DNAJC1: variants seen among roughly 807,000 people sequenced by gnomAD.
DNAJC1 encodes dnaJ homolog subfamily C member 1.
DNAJC1 carries 58 observed loss-of-function variants against 76.6 expected under a neutral mutation model. That is an observed-to-expected ratio of 0.76 (90% CI 0.61 to 0.94). The LOEUF (loss-of-function observed/expected upper bound fraction) is 0.94. Ranked by LOEUF, DNAJC1 falls within the 40% of genes least tolerant of loss-of-function variation. The pLI is 0.00. For synonymous variants in DNAJC1, 258 were observed against 267.9 expected, an observed-to-expected ratio of 0.96 and a Z score of 0.36; for missense variants, 689 against 677.3, an observed-to-expected ratio of 1.02 and a Z score of -0.19.
chr10:21,967,223 C>T (rs1837908396), intron 1 of DNAJC1, among the ~76,000 whole-genome samples: 1 of 152,166 alleles, frequency 6.6e-6, no homozygotes, highest in Non-Finnish European at 1.5e-5. Context: ...CAATACCCAA[C>T]TGCAGGCAAA....
chr10:21,827,793 C>A (rs886932177), intron 8 of DNAJC1, among the ~76,000 whole-genome samples: 2 of 152,214 alleles, frequency 1.3e-5, no homozygotes, highest in Non-Finnish European at 2.9e-5. Flanking sequence ...GTTTGGGATA[C>A]TATTCAACCC....
rs959612757 is a variant in DNAJC1, at chr10:21,814,860, C to T, written c.979-8761G>A. ...TGAGAAAGTAACTCAAAGAAATGTA[C>T]GTAAATCTATGCAGTCAGCCCTGCC... On this transcript the variant is annotated intron_variant, in intron 8 of 11. Coordinates refer to ENST00000376980, the MANE Select transcript of DNAJC1 (RefSeq NM_022365.4). Among the ~76,000 whole-genome samples the T allele has an allele frequency of 4.1e-4, 62 of 152,128 alleles. 1 individual carries two copies. Among genetic ancestry groups the T allele is most frequent in the Non-Finnish European group, 5.9e-5 (4 of 68,038 alleles).
chr10:21,761,275 C>G (rs1486305651), intron 10 of DNAJC1, among the ~76,000 whole-genome samples: 1 of 151,796 alleles, frequency 6.6e-6, no homozygotes, highest in Non-Finnish European at 1.5e-5. Context: ...AAACAAAATC[C>G]CAGCTGTACA....
intron 1 of DNAJC1, among the ~76,000 whole-genome samples, chr10:21,942,291 G>A (rs1837426310): frequency 6.6e-6 from 1 of 152,090 alleles, no homozygotes; most frequent in Non-Finnish European, 1.5e-5. Context: ...AGTTAAAACA[G>A]TCATAAACCC....
At chr10:21,855,754 C>T (rs1245295025) in intron 8 of DNAJC1, among the ~76,000 whole-genome samples, 2 of 152,118 alleles carry the variant, frequency 1.3e-5, no homozygotes, top group East Asian at 1.9e-4. Flanking sequence ...AACACTTCAA[C>T]GTAATCAGTG....
chr10:21,836,592 T>G (rs560973399), intron 8 of DNAJC1, among the ~76,000 whole-genome samples: 9 of 152,124 alleles, frequency 5.9e-5, no homozygotes, highest in South Asian at 2.1e-4. Flanking sequence ...CATCTCACGT[T>G]CAGAGACACA....
intron 8 of DNAJC1, among the ~76,000 whole-genome samples, chr10:21,845,537 TAG>T (rs1835644225): frequency 6.6e-6 from 1 of 151,962 alleles, no homozygotes; most frequent in Non-Finnish European, 1.5e-5. Context: ...GTATTTTTAA[TAG>T]AGACAGGGTT....
At chr10:21,780,996 C>G (rs558773973) in intron 9 of DNAJC1, among the ~76,000 whole-genome samples, 1 of 151,886 alleles carries the variant, frequency 6.6e-6, no homozygotes, top group African/African-American at 2.4e-5. Flanking sequence ...TCAAAAGAGA[C>G]AAGGCCATTA....
intron 8 of DNAJC1, among the ~76,000 whole-genome samples, chr10:21,866,937 C>A (rs1413253504): frequency 6.6e-6 from 1 of 152,042 alleles, no homozygotes; most frequent in Non-Finnish European, 1.5e-5. Flanking sequence ...AGAAAACAAT[C>A]ACAAGAAGAA....
chr10:21,850,530 TTTC>T (rs1439679953), intron 8 of DNAJC1, among the ~76,000 whole-genome samples: 32 of 150,904 alleles, frequency 2.1e-4, no homozygotes, highest in African/African-American at 7.8e-4. Context: ...TAAATTTTCT[TTTC>T]TTTTTTTTTT....
chr10:21,835,656 C>A (rs375190812), intron 8 of DNAJC1, among the ~76,000 whole-genome samples: 1 of 152,208 alleles, frequency 6.6e-6, no homozygotes, highest in African/African-American at 2.4e-5. Context: ...TGAAAACCAA[C>A]ACACGAGAGC....
chr10:21,895,350 C>T (rs1338447552), intron 7 of DNAJC1, among the ~76,000 whole-genome samples: 1 of 152,134 alleles, frequency 6.6e-6, no homozygotes, highest in Non-Finnish European at 1.5e-5. Context: ...TTATTGGAAA[C>T]TGGAAGAAGG....
intron 1 of DNAJC1, among the ~76,000 whole-genome samples, chr10:21,997,846 G>A (rs1838444362): frequency 6.6e-6 from 1 of 152,154 alleles, no homozygotes; most frequent in Non-Finnish European, 1.5e-5. Flanking sequence ...TAAGGATTTA[G>A]TTATAAAACA....
At chr10:21,879,754 T>C (rs1208802150) in intron 8 of DNAJC1, among the ~76,000 whole-genome samples, 1 of 152,230 alleles carries the variant, frequency 6.6e-6, no homozygotes, top group Admixed American at 6.5e-5. Context: ...CGCTAAAACG[T>C]ATTAATAACC....
At chr10:21,773,383 A>T (rs1393999521) in intron 9 of DNAJC1, among the ~76,000 whole-genome samples, 1 of 152,002 alleles carries the variant, frequency 6.6e-6, no homozygotes, top group Non-Finnish European at 1.5e-5. Flanking sequence ...TTCTTCCATG[A>T]TCCACTGATT....
intron 1 of DNAJC1, 25 bp downstream of exon 1, chr10:22,003,188 C>A (rs1283889747): frequency 6.0e-6 from 9 of 1,499,038 alleles, no homozygotes; most frequent in Non-Finnish European, 8.0e-6. Context: ...CCTCTCCGCC[C>A]GGCCCCGCGC....
intron 9 of DNAJC1, among the ~76,000 whole-genome samples, chr10:21,798,642 T>C (rs766814585): frequency 3.9e-5 from 6 of 152,206 alleles, no homozygotes; most frequent in Non-Finnish European, 8.8e-5. Flanking sequence ...CCGAGAACAC[T>C]TTCCTCAGAA....
At chr10:21,766,177 T>C in intron 10 of DNAJC1, 84 bp downstream of exon 10, 1 of 1,061,060 alleles carries the variant, frequency 9.4e-7, no homozygotes, top group Non-Finnish European at 1.4e-6. Context: ...TCTAGACCCT[T>C]GTATTTAAAG....
intron 8 of DNAJC1, among the ~76,000 whole-genome samples, chr10:21,838,579 G>A (rs1441652821): frequency 6.6e-6 from 1 of 151,868 alleles, no homozygotes; most frequent in Non-Finnish European, 1.5e-5. Flanking sequence ...CTATGACCCT[G>A]CCAAATCCCC....
Sources: gnomAD v4.1 joint callset for allele counts (sites outside exome capture counted in the v4.1 genomes callset) on GRCh38, gnomAD v4.1.1 for gene constraint, MANE v1.5 for transcripts, NCBI Gene and HGNC (gene_info 2026-07-23, HGNC 2026-07-21) for gene names.